SLC22A23: variants seen among roughly 807,000 people sequenced by gnomAD.
SLC22A23 encodes the protein solute carrier family 22 member 23, also known as ion transporter protein.
In SLC22A23, 26 loss-of-function variants were observed where a neutral mutation model predicts 61.0. The observed-to-expected ratio is 0.43, with a 90% CI of 0.31 to 0.59. SLC22A23 has a LOEUF of 0.59. Among genes scored for constraint, SLC22A23 ranks in the 20% least tolerant of loss-of-function variants. The pLI, the probability that SLC22A23 is intolerant of heterozygous loss-of-function variation, is 0.11. For synonymous variants in SLC22A23, 430 were observed against 413.9 expected, an observed-to-expected ratio of 1.04 and a Z score of -0.47; for missense variants, 796 against 934.7, an observed-to-expected ratio of 0.85 and a Z score of 1.94.
chr6:3,332,279 T>A (rs1287445672), intron 3 of SLC22A23, among the ~76,000 whole-genome samples: 1 of 152,212 alleles, frequency 6.6e-6, no homozygotes, highest in Admixed American at 6.5e-5. Flanking sequence ...AATCAGGGAA[T>A]CAGGGGCTGG....
chr6:3,287,793 C>T (rs548221894), intron 6 of SLC22A23, among the ~76,000 whole-genome samples: 325 of 151,960 alleles, frequency 2.1e-3, no homozygotes, highest in South Asian at 0.012. Flanking sequence ...AAGTGATTCT[C>T]CTGCTTCAGC....
At chr6:3,287,346 G>A (rs935561298) in intron 6 of SLC22A23, among the ~76,000 whole-genome samples, 2 of 152,244 alleles carry the variant, frequency 1.3e-5, no homozygotes, top group African/African-American at 4.8e-5. Context: ...ATAGACAGGT[G>A]TGGGCACAAG....
At chr6:3,284,551 G>A (rs1349202117) in intron 8 of SLC22A23, among the ~76,000 whole-genome samples, 1 of 152,244 alleles carries the variant, frequency 6.6e-6, no homozygotes, top group African/African-American at 2.4e-5. Flanking sequence ...CTTCCCCAAG[G>A]CTGCATAGAG....
At chr6:3,341,272 TA>T (rs1045124994) in intron 3 of SLC22A23, among the ~76,000 whole-genome samples, 13 of 152,208 alleles carry the variant, frequency 8.5e-5, no homozygotes, top group African/African-American at 2.2e-4. Flanking sequence ...ATTGAAATGC[TA>T]AAAAAAAGTT....
At chr6:3,355,407 T>C (rs138283670) in intron 3 of SLC22A23, among the ~76,000 whole-genome samples, 112 of 152,246 alleles carry the variant, frequency 7.4e-4, no homozygotes, top group African/African-American at 2.4e-3. Context: ...CACCCTGTTC[T>C]ATGCAACAAA....
chr6:3,446,467 T>C (rs573332400), intron 1 of SLC22A23, among the ~76,000 whole-genome samples: 4 of 152,354 alleles, frequency 2.6e-5, no homozygotes, highest in South Asian at 2.1e-4. Flanking sequence ...TTCACATATC[T>C]GGGTCTTTCA....
At chr6:3,299,538 G>T (rs1761430269) in intron 4 of SLC22A23, among the ~76,000 whole-genome samples, 1 of 152,156 alleles carries the variant, frequency 6.6e-6, no homozygotes, top group Non-Finnish European at 1.5e-5. Context: ...CTTGTGAGGA[G>T]CCCCAATACA....
chr6:3,306,255 C>T (rs956153659), intron 4 of SLC22A23, among the ~76,000 whole-genome samples: 6 of 152,168 alleles, frequency 3.9e-5, no homozygotes, highest in Admixed American at 1.3e-4. Flanking sequence ...GGTCCACCCC[C>T]GTGACCCAAA....
Position 3,281,744 on chromosome 6 carries a change from G to A in SLC22A23, c.1703+2108C>T, listed in dbSNP as rs548776796. On this transcript the variant is annotated intron_variant, in intron 9 of 9. Coordinates refer to ENST00000406686, the MANE Select transcript of SLC22A23 (RefSeq NM_015482.2). ...TTGCAAGAAAGAGCTGTGGCCTCCCGATGGCACGGGTGAAAAGGGCTCCCA... is the reference window on the plus strand; with the variant it reads ...TTGCAAGAAAGAGCTGTGGCCTCCCAATGGCACGGGTGAAAAGGGCTCCCA... Among the ~76,000 whole-genome samples, 7 of 152,200 alleles carry A rather than the reference G, an allele frequency of 4.6e-5. No homozygotes were observed. In the South Asian group the frequency reaches 6.3e-4, roughly 14 times the overall value.
chr6:3,449,944 T>C (rs369433791), intron 1 of SLC22A23, among the ~76,000 whole-genome samples: 7 of 152,238 alleles, frequency 4.6e-5, no homozygotes, highest in African/African-American at 1.4e-4. Flanking sequence ...AGTCTGACAA[T>C]GGAATACTAT....
In SLC22A23 at chr6:3,272,752, G is replaced by A. The variant is rs1758555360; in HGVS notation, c.*303C>T. The A allele has an allele frequency of 4.4e-6, 1 of 227,244 alleles. No individual in the cohort carries two copies. The highest frequency in any genetic ancestry group is 8.7e-6 in the Non-Finnish European group (1 of 115,554). 14.1% of individuals were successfully genotyped at this position (227,244 alleles called of 1,614,324 possible). Reference sequence around the variant, plus strand: ...GCAACTGCGTCTCGCTGCCCAGGGAGGTGATTCCATTTGTGATCAGTGAGA... The same window carrying A: ...GCAACTGCGTCTCGCTGCCCAGGGAAGTGATTCCATTTGTGATCAGTGAGA... On this transcript the variant is annotated 3_prime_UTR_variant, in exon 10 of 10. Transcript: ENST00000406686.
chr6:3,377,009 T>C (rs1010461443), intron 3 of SLC22A23, among the ~76,000 whole-genome samples: 2 of 151,830 alleles, frequency 1.3e-5, no homozygotes, highest in Non-Finnish European at 2.9e-5. Context: ...CCAATTCTGA[T>C]CTAGTAGCAA....
At chr6:3,340,718 G>T (rs1040307343) in intron 3 of SLC22A23, among the ~76,000 whole-genome samples, 3 of 152,176 alleles carry the variant, frequency 2.0e-5, no homozygotes, top group Admixed American at 6.5e-5. Flanking sequence ...AACAGATGGG[G>T]CTACTGGGAA....
Position 3,342,848 on chromosome 6 carries a change from C to T in SLC22A23, c.914-18846G>A, listed in dbSNP as rs1053278574. Among the ~76,000 whole-genome samples the T allele has an allele frequency of 6.6e-6, 1 of 152,018 alleles. No individual in the cohort carries two copies. Among genetic ancestry groups the T allele is most frequent in the Admixed American group, 6.6e-5 (1 of 15,266 alleles). ...ACAAAGTTTAATCACATATGTATAC[C>T]GGCAGGAGAGTGCAAAAAATGGCTC... On this transcript the variant is annotated intron_variant, in intron 3 of 9. Coordinates refer to ENST00000406686, the MANE Select transcript of SLC22A23 (RefSeq NM_015482.2). This position sits in a 1 kb window ranked among gnomAD's most constrained non-coding sequence, Gnocchi z 4.0.
intron 3 of SLC22A23, among the ~76,000 whole-genome samples, chr6:3,374,447 A>C (rs1766428887): frequency 6.6e-6 from 1 of 151,602 alleles, no homozygotes; most frequent in Admixed American, 6.5e-5. Flanking sequence ...GAAAACTAGC[A>C]ATCTACCTGA....
chr6:3,455,960 G>A lies in SLC22A23; in HGVS notation c.600C>T (p.Cys200=), dbSNP rs542854748. Reference sequence around the variant, plus strand: ...CGCGGATGCCGTAGTCCCATGCGCGGCAGTCACAGTTGGAGGCGTTGTCCC... The same window carrying A: ...CGCGGATGCCGTAGTCCCATGCGCGACAGTCACAGTTGGAGGCGTTGTCCC... ...DKGDNASNCD[C]RAWDYGIRAG... is the part of the protein sequence containing the mutation. Residue 200 remains cysteine, a synonymous_variant, in exon 1 of 10, where the codon TGC becomes TGT. Coordinates refer to ENST00000406686, the MANE Select transcript of SLC22A23 (RefSeq NM_015482.2). 21 of 1,539,628 alleles carry A rather than the reference G, an allele frequency of 1.4e-5. No individual in the cohort carries two copies. In the East Asian group the frequency reaches 4.2e-4, roughly 31 times the overall value.
At chr6:3,332,853 C>A (rs948508772) in intron 3 of SLC22A23, among the ~76,000 whole-genome samples, 1 of 152,118 alleles carries the variant, frequency 6.6e-6, no homozygotes, top group Non-Finnish European at 1.5e-5. Flanking sequence ...AGACTTCCCC[C>A]GACCCTCTTT....
intron 4 of SLC22A23, chr6:3,323,280 C>T (rs1386404412): frequency 2.2e-6 from 1 of 456,508 alleles, no homozygotes; most frequent in South Asian, 1.5e-5. Context: ...TGCATCCACT[C>T]AACTCTGTGA....
Position 3,360,947 on chromosome 6 carries a change from G to T in SLC22A23, c.914-36945C>A, listed in dbSNP as rs145518186. On this transcript the variant is annotated intron_variant, in intron 3 of 9. Coordinates refer to ENST00000406686, the MANE Select transcript of SLC22A23 (RefSeq NM_015482.2). This position sits in a 1 kb window ranked among gnomAD's most constrained non-coding sequence, Gnocchi z 4.6. ...GCGTGGTACTGGGGTGACGAGAGGC[G>T]CTAGCGAACATCAGCAGCTGCGGGG... Among the ~76,000 whole-genome samples the T allele has an allele frequency of 0.01, 1,580 of 152,328 alleles. 14 individuals are homozygous for T. Among genetic ancestry groups the T allele is most frequent in the Admixed American group, 0.016 (252 of 15,306 alleles).
Sources: gnomAD v4.1 joint callset for allele counts (sites outside exome capture counted in the v4.1 genomes callset) on GRCh38, gnomAD v4.1.1 for gene constraint, Gnocchi (gnomAD v3.1) non-coding constraint, MANE v1.5 for transcripts, NCBI Gene and HGNC (gene_info 2026-07-23, HGNC 2026-07-21) for gene names.